LRP1B: variants seen among roughly 807,000 people sequenced by gnomAD.
The protein encoded by LRP1B is low-density lipoprotein receptor-related protein 1B.
LRP1B carries 217 observed loss-of-function variants against 556.6 expected under a neutral mutation model. The observed-to-expected ratio is 0.39, with a 90% confidence interval of 0.35 to 0.44. The LOEUF (loss-of-function observed/expected upper bound fraction) is 0.44. LRP1B is among the 20% of genes least tolerant of loss of function. The pLI is 1.00. For missense variants in LRP1B, 5,053 were observed against 5,620.8 expected (o/e 0.90, Z 3.23); for synonymous variants, 2,047 against 1,865.8 (o/e 1.10, Z -2.50).
At chr2:141,580,508 T>A (rs79064191) in intron 2 of LRP1B, among the ~76,000 whole-genome samples, 1,823 of 152,316 alleles carry the variant, frequency 0.012, 41 homozygotes, top group African/African-American at 0.041. Flanking sequence ...TTGAAATTAA[T>A]TTGATGGCTA....
intron 32 of LRP1B, among the ~76,000 whole-genome samples, chr2:140,813,444 T>C (rs1690996360): frequency 6.6e-6 from 1 of 152,184 alleles, no homozygotes; most frequent in African/African-American, 2.4e-5. Flanking sequence ...GTAAAGTTAG[T>C]ATTGCTAACA....
At chr2:140,337,737 G>A (rs1007389924) in intron 77 of LRP1B, among the ~76,000 whole-genome samples, 2 of 151,830 alleles carry the variant, frequency 1.3e-5, no homozygotes, top group South Asian at 2.1e-4. Flanking sequence ...CTGTTTGTGA[G>A]ATGTAAATGT....
chr2:141,340,488 A>G (rs1008052922), intron 3 of LRP1B, among the ~76,000 whole-genome samples: 1 of 152,190 alleles, frequency 6.6e-6, no homozygotes, highest in Non-Finnish European at 1.5e-5. Context: ...ACTCTTCTAT[A>G]CAATTCTTAT....
intron 7 of LRP1B, among the ~76,000 whole-genome samples, chr2:141,124,250 T>C (rs1300601155): frequency 6.6e-6 from 1 of 152,160 alleles, no homozygotes; most frequent in African/African-American, 2.4e-5. Context: ...TTTATGTGTT[T>C]GACTCCCAAG....
chr2:140,954,191 GAAT>G (rs1695804788), intron 18 of LRP1B, among the ~76,000 whole-genome samples: 1 of 152,110 alleles, frequency 6.6e-6, no homozygotes, highest in Non-Finnish European at 1.5e-5. Flanking sequence ...TATGTTTCAA[GAAT>G]CAGCACGAAC....
At chr2:141,124,297 C>A (rs972067050) in intron 7 of LRP1B, among the ~76,000 whole-genome samples, 2 of 152,110 alleles carry the variant, frequency 1.3e-5, no homozygotes, top group African/African-American at 4.8e-5. Context: ...TTTCTTATTT[C>A]TTTTCTCCTC....
At chr2:141,036,086 A>G (rs932488829) in intron 11 of LRP1B, among the ~76,000 whole-genome samples, 3 of 152,124 alleles carry the variant, frequency 2.0e-5, no homozygotes, top group Non-Finnish European at 4.4e-5. Flanking sequence ...TCACAAATTT[A>G]CTTGAATCCA....
chr2:140,669,608 TG>T (rs1685408727), intron 41 of LRP1B, among the ~76,000 whole-genome samples: 1 of 152,164 alleles, frequency 6.6e-6, no homozygotes, highest in South Asian at 2.1e-4. Context: ...GTGCTAGATA[TG>T]CTAGAAACAA....
At chr2:140,928,391 A>T (rs976479902) in intron 20 of LRP1B, among the ~76,000 whole-genome samples, 1 of 152,146 alleles carries the variant, frequency 6.6e-6, no homozygotes, top group African/African-American at 2.4e-5. Context: ...CTCATTTTAC[A>T]TATCTATTGT....
At chr2:140,334,020 C>CAA (rs772476928) in intron 79 of LRP1B, among the ~76,000 whole-genome samples, 43 of 143,054 alleles carry the variant, frequency 3.0e-4, no homozygotes, top group Admixed American at 1.1e-3. Flanking sequence ...CAAAACAAAA[C>CAA]AAAAAAAAAA....
At chr2:141,684,458 G>A (rs1235264343) in intron 2 of LRP1B, among the ~76,000 whole-genome samples, 1 of 152,008 alleles carries the variant, frequency 6.6e-6, no homozygotes, top group Non-Finnish European at 1.5e-5. Flanking sequence ...CTGCCGGGGG[G>A]TGGGGGACTA....
intron 83 of LRP1B, among the ~76,000 whole-genome samples, chr2:140,309,537 C>T (rs539392712): frequency 3.6e-4 from 54 of 151,792 alleles, no homozygotes; most frequent in African/African-American, 1.2e-3. Flanking sequence ...CAGCAAAATT[C>T]GACAGACTCT....
intron 79 of LRP1B, among the ~76,000 whole-genome samples, chr2:140,326,599 C>T (rs985654649): frequency 3.9e-5 from 6 of 151,912 alleles, no homozygotes; most frequent in African/African-American, 1.5e-4. Flanking sequence ...CCTGCAATTC[C>T]AGCTACTCCG....
At chr2:140,399,732 C>T (rs1381821410) in intron 66 of LRP1B, among the ~76,000 whole-genome samples, 1 of 152,022 alleles carries the variant, frequency 6.6e-6, no homozygotes, top group East Asian at 1.9e-4. Flanking sequence ...TCTAAGTACC[C>T]CAATGGCAGG....
chr2:141,423,816 CCTGT>C (rs757860487), intron 3 of LRP1B, among the ~76,000 whole-genome samples: 13 of 105,546 alleles, frequency 1.2e-4, no homozygotes, highest in Non-Finnish European at 1.5e-4. Context: ...TATCTTTTTC[CCTGT>C]CTATTAAAAA....
At chr2:140,672,438 C>T (rs546632759) in intron 41 of LRP1B, among the ~76,000 whole-genome samples, 23 of 143,064 alleles carry the variant, frequency 1.6e-4, no homozygotes, top group Non-Finnish European at 2.7e-4. Flanking sequence ...GAGCAGAAAT[C>T]GCACCATTGC....
intron 3 of LRP1B, among the ~76,000 whole-genome samples, chr2:141,463,882 T>G (rs530290677): frequency 3.2e-4 from 47 of 147,808 alleles, no homozygotes; most frequent in African/African-American, 1.1e-3. Flanking sequence ...ATATATCATT[T>G]TATATATAGA....
At chr2:142,036,527 T>C (rs532380531) in intron 1 of LRP1B, among the ~76,000 whole-genome samples, 1 of 151,846 alleles carries the variant, frequency 6.6e-6, no homozygotes, top group Non-Finnish European at 1.5e-5. Flanking sequence ...GTCTAAAATA[T>C]GAAAAATACT....
chr2:140,965,304 C>T (rs1350610434), intron 18 of LRP1B, among the ~76,000 whole-genome samples: 2 of 151,824 alleles, frequency 1.3e-5, no homozygotes, highest in African/African-American at 4.8e-5. Flanking sequence ...TAACTATGCA[C>T]AGATCTACAG....
Sources: allele counts gnomAD v4.1 joint callset (sites outside exome capture counted in the v4.1 genomes callset), GRCh38; gene constraint gnomAD v4.1.1; transcripts MANE v1.5; gene names NCBI Gene and HGNC (gene_info 2026-07-23, HGNC 2026-07-21).